RNF125: variants seen among roughly 807,000 people sequenced by gnomAD.
The protein encoded by RNF125 is E3 ubiquitin-protein ligase RNF125.
In RNF125, 21 loss-of-function variants were observed where a neutral mutation model predicts 26.0. That is an observed-to-expected ratio of 0.81 (90% CI 0.57 to 1.16). The LOEUF is 1.16. Among genes scored for constraint, RNF125 ranks in the 50% most tolerant of loss-of-function variants. The pLI, the probability that RNF125 is intolerant of heterozygous loss-of-function variation, is 0.00. For synonymous variants in RNF125, 95 were observed against 109.2 expected (o/e 0.87, Z 0.81); for missense variants, 270 against 299.4 (o/e 0.90, Z 0.72).
At chr18:32,042,062 A>G (rs1273118613) in intron 2 of RNF125, 117 bp from the exon 3 acceptor site, 8 of 710,682 alleles carry the variant, frequency 1.1e-5, no homozygotes, top group East Asian at 8.1e-5. Flanking sequence ...GAATGCATCT[A>G]TTTAGTCAGT....
chr18:32,087,683 A>C, the RNF125 span, among the ~76,000 whole-genome samples: 2 of 152,164 alleles, frequency 1.3e-5, no homozygotes, highest in African/African-American at 4.8e-5. Context: ...ATGGATGTTA[A>C]CATGCTAGGT....
intron 4 of RNF125, among the ~76,000 whole-genome samples, chr18:32,062,735 A>G (rs2039446089): frequency 6.6e-6 from 1 of 152,218 alleles, no homozygotes; most frequent in African/African-American, 2.4e-5. Context: ...CATTGATTCC[A>G]GATCTGATAC....
At position 32,070,039 on chromosome 18, in the gene RNF125, CTT is replaced by C. The variant is rs1336939048; in HGVS notation, c.*1657_*1658del. The C allele has an allele frequency of 2.0e-5, 3 of 151,586 alleles. No individual in the cohort carries two copies. Among genetic ancestry groups the C allele is most frequent in the African/African-American group, 7.3e-5 (3 of 41,264 alleles). The allele number at this position is 151,586 out of a possible 1,614,324, so 9.4% of individuals were successfully genotyped here. Reference sequence around the variant, plus strand: ...TTCTTCTCTCTCTCTCTCTCTCTCTCTTTCCTTTTCTTTCTCTTTTTTTCAGA... The same window carrying C: ...TTCTTCTCTCTCTCTCTCTCTCTCTCTCCTTTTCTTTCTCTTTTTTTCAGA... On this transcript the variant is annotated 3_prime_UTR_variant, in exon 6 of 6. Transcript: ENST00000217740.
intron 4 of RNF125, among the ~76,000 whole-genome samples, chr18:32,063,022 C>G (rs977399868): frequency 2.6e-5 from 4 of 152,010 alleles, no homozygotes; most frequent in African/African-American, 9.6e-5. Context: ...GAGTTCGTGA[C>G]CAGCCTGGCC....
At chr18:32,059,758 A>G (rs2039417963) in intron 4 of RNF125, among the ~76,000 whole-genome samples, 1 of 152,072 alleles carries the variant, frequency 6.6e-6, no homozygotes, top group African/African-American at 2.4e-5. Context: ...GAGGTCTTAG[A>G]TTCAAGTTTT....
intron 2 of RNF125, among the ~76,000 whole-genome samples, chr18:32,038,081 C>G (rs2039178991): frequency 7.7e-6 from 1 of 130,550 alleles, no homozygotes; most frequent in African/African-American, 3.0e-5. Context: ...CAGAGTCTTG[C>G]TCTGTCGCCC....
At chr18:32,077,609 C>T (rs1019465347), downstream of RNF125, among the ~76,000 whole-genome samples, 2 of 152,028 alleles carry the variant, frequency 1.3e-5, no homozygotes, top group Non-Finnish European at 2.9e-5. Context: ...GATCCGCCCA[C>T]CTCGGCCTCC....
At chr18:32,041,645 T>TTG (rs2039218725) in intron 2 of RNF125, among the ~76,000 whole-genome samples, 1 of 95,470 alleles carries the variant, frequency 1.0e-5, no homozygotes, top group African/African-American at 5.3e-5. Flanking sequence ...TTTTTTTTTT[T>TTG]TTTGAGACGG....
intron 4 of RNF125, among the ~76,000 whole-genome samples, chr18:32,050,321 C>T (rs2039311280): frequency 6.6e-6 from 1 of 151,930 alleles, no homozygotes; most frequent in Non-Finnish European, 1.5e-5. Flanking sequence ...TTATATTCTG[C>T]CATTTTTTAA....
downstream of RNF125, among the ~76,000 whole-genome samples, chr18:32,077,273 T>C (rs1160556117): frequency 6.6e-6 from 1 of 151,400 alleles, no homozygotes; most frequent in East Asian, 1.9e-4. Context: ...TAGTGCACTA[T>C]GATAGTGCCT....
At chr18:32,053,622 G>GA (rs200746781) in intron 4 of RNF125, among the ~76,000 whole-genome samples, 2 of 147,466 alleles carry the variant, frequency 1.4e-5, no homozygotes, top group African/African-American at 5.4e-5. Context: ...CCCATCTCTA[G>GA]AAAAAATTTT....
At chr18:32,065,084 A>G (rs1391237764) in intron 4 of RNF125, among the ~76,000 whole-genome samples, 1 of 152,262 alleles carries the variant, frequency 6.6e-6, no homozygotes, top group African/African-American at 2.4e-5. Flanking sequence ...CAAGAAATGC[A>G]TATGAAGACA....
chr18:32,041,451 T>A (rs2144474494), intron 2 of RNF125, among the ~76,000 whole-genome samples: 1 of 152,186 alleles, frequency 6.6e-6, no homozygotes, highest in South Asian at 2.1e-4. Context: ...TGTCCATTTC[T>A]TTTTTCTGTC....
At chr18:32,032,367 C>CAT (rs1217103382) in intron 1 of RNF125, among the ~76,000 whole-genome samples, 4 of 150,400 alleles carry the variant, frequency 2.7e-5, no homozygotes, top group African/African-American at 1.0e-4. Context: ...CAGAAGCCAC[C>CAT]ATGCCTGGCT....
At chr18:32,088,890 A>G in the RNF125 span, among the ~76,000 whole-genome samples, 1 of 152,282 alleles carries the variant, frequency 6.6e-6, no homozygotes, top group East Asian at 1.9e-4. Flanking sequence ...AGGAGAAGAA[A>G]CAAAGTAGGG....
chr18:32,021,089 CT>C (rs2038981829), intron 1 of RNF125, among the ~76,000 whole-genome samples: 1 of 152,056 alleles, frequency 6.6e-6, no homozygotes, highest in South Asian at 2.1e-4. Flanking sequence ...GCTGTGTTTT[CT>C]TTTCTTTTGA....
At chr18:32,076,080 T>A (rs2039568603), downstream of RNF125, 1 of 683,890 alleles carries the variant, frequency 1.5e-6, no homozygotes. Flanking sequence ...TTAGCCTGCC[T>A]GTGAGGTTCA....
At chr18:32,043,572 A>T (rs1036949115) in intron 3 of RNF125, among the ~76,000 whole-genome samples, 1 of 152,220 alleles carries the variant, frequency 6.6e-6, no homozygotes, top group African/African-American at 2.4e-5. Flanking sequence ...ATCCTGTTAG[A>T]TTGACCACAA....
intron 2 of RNF125, among the ~76,000 whole-genome samples, chr18:32,038,023 T>G (rs372462077): frequency 2.0e-5 from 3 of 149,824 alleles, no homozygotes; most frequent in African/African-American, 7.4e-5. Context: ...TTGCTACCAC[T>G]CACTCTTTGG....
Sources: allele counts gnomAD v4.1 joint callset (sites outside exome capture counted in the v4.1 genomes callset), GRCh38; gene constraint gnomAD v4.1.1; transcripts MANE v1.5; gene names NCBI Gene and HGNC (gene_info 2026-07-23, HGNC 2026-07-21).